KCNMB2: variants seen among roughly 807,000 people sequenced by gnomAD.
The protein encoded by KCNMB2 is calcium-activated potassium channel subunit beta-2.
In KCNMB2, 9 loss-of-function variants were observed where a neutral mutation model predicts 24.5. The ratio of observed to expected loss-of-function variants is 0.37; its 90% CI spans 0.22 to 0.64. KCNMB2 has a LOEUF of 0.64. Ranked by LOEUF, KCNMB2 falls within the 30% of genes least tolerant of loss-of-function variation. The probability of loss-of-function intolerance (pLI) is 0.63; values close to 1 mark genes in which losing one functional copy is unlikely to be tolerated. For synonymous variants in KCNMB2, 109 were observed against 104.4 expected (o/e 1.04, Z -0.27); for missense variants, 226 against 284.3 (o/e 0.79, Z 1.47).
intron 1 of KCNMB2, among the ~76,000 whole-genome samples, chr3:178,668,395 G>C (rs1268929307): frequency 1.3e-5 from 2 of 152,108 alleles, no homozygotes; most frequent in Non-Finnish European, 2.9e-5. Context: ...TGGGTGGAGT[G>C]TAAGAGCTTT....
chr3:178,587,896 C>A (rs1246907707), intron 1 of KCNMB2, among the ~76,000 whole-genome samples: 1 of 139,060 alleles, frequency 7.2e-6, no homozygotes, highest in Admixed American at 7.2e-5. Context: ...CCCCTCCCCC[C>A]ACCCCACAAC....
intron 1 of KCNMB2, among the ~76,000 whole-genome samples, chr3:178,712,252 A>T (rs1260511895): frequency 6.6e-6 from 1 of 152,174 alleles, no homozygotes; most frequent in Non-Finnish European, 1.5e-5. Context: ...TAATCGGTAG[A>T]TGTTGTGTAT....
chr3:178,688,479 T>C (rs1159871490), intron 1 of KCNMB2, among the ~76,000 whole-genome samples: 1 of 152,116 alleles, frequency 6.6e-6, no homozygotes, highest in Non-Finnish European at 1.5e-5. Flanking sequence ...GACCAAGGAA[T>C]AGAAATTGTG....
At chr3:178,699,793 C>T (rs1039706295) in intron 1 of KCNMB2, among the ~76,000 whole-genome samples, 1 of 152,228 alleles carries the variant, frequency 6.6e-6, no homozygotes, top group Non-Finnish European at 1.5e-5. Context: ...TGCACCAAAC[C>T]CTCTGGGCTT....
intron 1 of KCNMB2, among the ~76,000 whole-genome samples, chr3:178,797,330 T>C (rs1713589580): frequency 6.6e-6 from 1 of 152,140 alleles, no homozygotes; most frequent in South Asian, 2.1e-4. Context: ...ATACCAATGC[T>C]ACTCAAACTA....
At chr3:178,692,260 T>C (rs1020846116) in intron 1 of KCNMB2, among the ~76,000 whole-genome samples, 1 of 152,252 alleles carries the variant, frequency 6.6e-6, no homozygotes, top group African/African-American at 2.4e-5. Context: ...AGATCTCATT[T>C]GTCAATTTTT....
chr3:178,730,573 C>T (rs1268692506), intron 1 of KCNMB2, among the ~76,000 whole-genome samples: 1 of 152,138 alleles, frequency 6.6e-6, no homozygotes, highest in African/African-American at 2.4e-5. Flanking sequence ...ATCAAATCTT[C>T]TCCTACTTAA....
In KCNMB2 at chr3:178,625,280, C is replaced by T. The variant is rs541272042; in HGVS notation, c.-68+88569C>T. ...AAGGCAGAGAGAGGCAGGCAGGGGCCCACCCAGGACAAGGGGGTGGGGGCG... is the reference window on the plus strand; with the variant it reads ...AAGGCAGAGAGAGGCAGGCAGGGGCTCACCCAGGACAAGGGGGTGGGGGCG... On this transcript the variant is annotated intron_variant, in intron 1 of 4. Transcript: ENST00000452583. Among the ~76,000 whole-genome samples, 15 of 152,190 alleles carry T rather than the reference C, an allele frequency of 9.9e-5. No individual in the cohort carries two copies. In the South Asian group the frequency reaches 3.1e-3, roughly 32 times the overall value.
chr3:178,560,457 T>C lies in KCNMB2; in HGVS notation c.-68+23746T>C, dbSNP rs1228189667. Among the ~76,000 whole-genome samples, 4 of 152,356 alleles carry C rather than the reference T, an allele frequency of 2.6e-5. No individual in the cohort carries two copies. The South Asian group carries it at 6.2e-4, about 24-fold the overall frequency. On this transcript the variant is annotated intron_variant, in intron 1 of 4. Transcript: ENST00000452583. ...TAAAGATATCACCCCACTGAAGCGA[T>C]TGCTATTCCCAACTTTATCCTTAGA...
chr3:178,833,954 C>T (rs1715134515), intron 4 of KCNMB2, among the ~76,000 whole-genome samples: 1 of 152,180 alleles, frequency 6.6e-6, no homozygotes, highest in South Asian at 2.1e-4. Flanking sequence ...TCATAAAAAA[C>T]AGCAGCTGAG....
At chr3:178,810,384 C>T (rs1291753862) in intron 2 of KCNMB2, among the ~76,000 whole-genome samples, 2 of 152,156 alleles carry the variant, frequency 1.3e-5, no homozygotes, top group Non-Finnish European at 2.9e-5. Flanking sequence ...CTCCACACCT[C>T]CTCTTCCTGA....
intron 1 of KCNMB2, among the ~76,000 whole-genome samples, chr3:178,645,546 T>C (rs1473236277): frequency 1.3e-5 from 2 of 152,160 alleles, no homozygotes. Context: ...GCTACCTCTA[T>C]GGGCCACTGA....
chr3:178,759,650 T>C (rs1360588375), intron 1 of KCNMB2, among the ~76,000 whole-genome samples: 1 of 112,442 alleles, frequency 8.9e-6, no homozygotes, highest in South Asian at 3.0e-4. Flanking sequence ...TATATATATA[T>C]ATCTCCAAGA....
intron 1 of KCNMB2, among the ~76,000 whole-genome samples, chr3:178,598,440 A>C (rs1044515581): frequency 1.3e-5 from 2 of 151,928 alleles, no homozygotes; most frequent in Admixed American, 1.3e-4. Flanking sequence ...TCACTCATTC[A>C]TTTATGTACT....
intron 1 of KCNMB2, among the ~76,000 whole-genome samples, chr3:178,750,508 C>T (rs1229583888): frequency 6.6e-6 from 1 of 152,224 alleles, no homozygotes. Flanking sequence ...CAGAATCCAA[C>T]AGATCTGATT....
chr3:178,806,959 G>A (rs4513434), intron 1 of KCNMB2, among the ~76,000 whole-genome samples: 27,040 of 152,110 alleles, frequency 0.18, 2,784 homozygotes, highest in African/African-American at 0.28. Context: ...AAGAAGTTGA[G>A]TTTTAGTATC....
At chr3:178,576,984 C>T (rs1397267858) in intron 1 of KCNMB2, among the ~76,000 whole-genome samples, 3 of 152,178 alleles carry the variant, frequency 2.0e-5, no homozygotes, top group Admixed American at 6.5e-5. Flanking sequence ...GCTCAGTGCT[C>T]GAGCTCTGCT....
intron 1 of KCNMB2, among the ~76,000 whole-genome samples, chr3:178,765,906 A>T (rs1008882487): frequency 6.6e-6 from 1 of 152,184 alleles, no homozygotes; most frequent in Non-Finnish European, 1.5e-5. Context: ...TGATTGTAAG[A>T]TATGAACTAC....
chr3:178,652,816 C>T (rs1720179073), intron 1 of KCNMB2, among the ~76,000 whole-genome samples: 1 of 149,404 alleles, frequency 6.7e-6, no homozygotes, highest in South Asian at 2.2e-4. Flanking sequence ...GCATGTGCCA[C>T]CACGCCTGGC....
Sources: gnomAD v4.1 joint callset for allele counts (sites outside exome capture counted in the v4.1 genomes callset) on GRCh38, gnomAD v4.1.1 for gene constraint, MANE v1.5 for transcripts, NCBI Gene and HGNC (gene_info 2026-07-23, HGNC 2026-07-21) for gene names.